The following SHOC1 variants were observed in gnomAD, a reference collection of about 807,000 sequenced individuals.
SHOC1 encodes the protein protein shortage in chiasmata 1 ortholog.
SHOC1 carries 136 observed loss-of-function variants against 179.2 expected under a neutral mutation model. The observed-to-expected ratio is 0.76, with a 90% CI of 0.66 to 0.87. SHOC1 has a LOEUF of 0.87. SHOC1 is among the 40% of genes least tolerant of loss of function. The pLI, the probability that SHOC1 is intolerant of heterozygous loss-of-function variation, is 0.00. For synonymous variants in SHOC1, 489 were observed against 586.6 expected (o/e 0.83, Z 2.41); for missense variants, 1,538 against 1,700.8 (o/e 0.90, Z 1.68).
At position 111,727,969 on chromosome 9, in the gene SHOC1, G is replaced by A. The variant is rs1589414743; in HGVS notation, c.1498C>T (p.Gln500Ter). The A allele has an allele frequency of 6.2e-7, 1 of 1,612,132 alleles. No homozygotes were observed. Among genetic ancestry groups the A allele is most frequent in the East Asian group, 2.2e-5 (1 of 44,752 alleles). The change falls in exon 13 of 28, where the codon CAA (glutamine) becomes TAA (stop). Residue 500 changes from glutamine to a stop codon, truncating the protein, a stop_gained. Transcript: ENST00000682961. LOFTEE classifies it high-confidence loss of function. ...KSTNAHLSLP[Q>*]KSPSLAKEVP... ...TCTTTTGCCAGAGATGGACTCTTTT[G>A]TGGAAGTGATAAATGAGCATTTGTA...
chr9:111,696,595 CT>C (rs1442540606), intron 24 of SHOC1, among the ~76,000 whole-genome samples: 1 of 152,150 alleles, frequency 6.6e-6, no homozygotes, highest in Non-Finnish European at 1.5e-5. Flanking sequence ...TGGAAATAGA[CT>C]TGTTTGGAAT....
At chr9:111,700,081 T>C (rs1041906949) in intron 23 of SHOC1, 34 bp from the exon 24 acceptor site, 1 of 1,043,216 alleles carries the variant, frequency 9.6e-7, no homozygotes, top group African/African-American at 1.6e-5. Context: ...TTTCTATTCA[T>C]TTGATATCAG....
chr9:111,732,076 AT>A (rs1589419812), intron 12 of SHOC1, among the ~76,000 whole-genome samples: 1 of 152,350 alleles, frequency 6.6e-6, no homozygotes, highest in East Asian at 1.9e-4. Context: ...GGGAAATAGA[AT>A]TAAAACCACA....
chr9:111,749,895 G>T (rs1219380541), intron 8 of SHOC1, among the ~76,000 whole-genome samples: 1 of 152,136 alleles, frequency 6.6e-6, no homozygotes, highest in Non-Finnish European at 1.5e-5. Flanking sequence ...TGGTGTATAT[G>T]TACCACATTT....
chr9:111,692,432 T>C lies in SHOC1; in HGVS notation c.3545A>G (p.Glu1182Gly). The stretch of plus-strand genomic sequence containing the variant: ...CAAGGTACTAATCTGATTCCTATTT[T>C]CCTGAGGTGACGAAATTTGCGGTGA... ...TKSPQISSPQ[E>G]NRNQISTLSS... is the part of the protein sequence containing the mutation. Residue 1182 changes from glutamate to glycine, a missense_variant, in exon 27 of 28, where the codon GAA (glutamate) becomes GGA (glycine). Physicochemically the swap from Glu to Gly is moderately conservative, Grantham distance 98. Coordinates refer to ENST00000682961, the MANE Select transcript of SHOC1 (RefSeq NM_001378211.1). 1 of 1,611,320 alleles carries C rather than the reference T, an allele frequency of 6.2e-7. No homozygotes were observed. The highest frequency in any genetic ancestry group is 8.5e-7 in the Non-Finnish European group (1 of 1,178,940).
chr9:111,753,695 A>G (rs1177012716), intron 8 of SHOC1, among the ~76,000 whole-genome samples: 2 of 152,192 alleles, frequency 1.3e-5, no homozygotes, highest in African/African-American at 4.8e-5. Context: ...CATTAATAGA[A>G]CGAGGGACAA....
intron 3 of SHOC1, chr9:111,781,232 A>C: frequency 6.2e-6 from 3 of 481,170 alleles, no homozygotes; most frequent in Non-Finnish European, 1.1e-5. Context: ...GAACAATATC[A>C]CCTGAACATA....
At chr9:111,753,988 TTAA>T (rs2131550985) in intron 8 of SHOC1, among the ~76,000 whole-genome samples, 1 of 152,220 alleles carries the variant, frequency 6.6e-6, no homozygotes, top group South Asian at 2.1e-4. Context: ...GTGACTATAG[TTAA>T]TAATAATGCA....
intron 24 of SHOC1, among the ~76,000 whole-genome samples, chr9:111,699,284 T>A (rs907653271): frequency 6.6e-6 from 1 of 152,184 alleles, no homozygotes; most frequent in African/African-American, 2.4e-5. Flanking sequence ...AGTGATACCA[T>A]AAACTAAGCT....
chr9:111,778,567 G>A (rs1457576029), intron 4 of SHOC1, among the ~76,000 whole-genome samples: 3 of 152,080 alleles, frequency 2.0e-5, no homozygotes, highest in Non-Finnish European at 4.4e-5. Context: ...TCAGGAGTTT[G>A]AGACCATCCT....
chr9:111,723,511 C>T (rs1833159468), intron 14 of SHOC1, among the ~76,000 whole-genome samples: 1 of 152,074 alleles, frequency 6.6e-6, no homozygotes, highest in African/African-American at 2.4e-5. Context: ...GCAGAAGAGT[C>T]CGAGGAGGTA....
At chr9:111,697,205 ATTATAC>A (rs930046851) in intron 24 of SHOC1, among the ~76,000 whole-genome samples, 2 of 149,102 alleles carry the variant, frequency 1.3e-5, no homozygotes, top group African/African-American at 4.9e-5. Context: ...TTTTTTTTTA[ATTATAC>A]TTTAAGTTCT....
At chr9:111,744,577 G>GCAGATCAGCTAATTATA (rs1329290085) in intron 10 of SHOC1, among the ~76,000 whole-genome samples, 55 of 152,258 alleles carry the variant, frequency 3.6e-4, no homozygotes, top group African/African-American at 1.3e-3. Context: ...CTCTCCTCTG[G>GCAGATCAGCTAATTATA]CAGATCAGCT....
At chr9:111,738,611 T>C (rs1056431423) in intron 11 of SHOC1, 89 bp from the exon 12 acceptor site, 59 of 1,214,070 alleles carry the variant, frequency 4.9e-5, no homozygotes, top group Non-Finnish European at 6.2e-5. Flanking sequence ...CTGGAATTTC[T>C]TTATGAAATG....
intron 18 of SHOC1, among the ~76,000 whole-genome samples, chr9:111,710,026 C>T (rs892047018): frequency 2.0e-5 from 3 of 152,198 alleles, no homozygotes; most frequent in African/African-American, 7.2e-5. Context: ...TCAGGTTCTT[C>T]ACAAAAATAT....
intron 25 of SHOC1, 94 bp downstream of exon 25, chr9:111,694,137 C>T: frequency 1.5e-6 from 2 of 1,307,454 alleles, no homozygotes; most frequent in South Asian, 1.5e-5. Flanking sequence ...CAATTTGAGA[C>T]ATTTGGGGGA....
intron 8 of SHOC1, among the ~76,000 whole-genome samples, chr9:111,751,690 A>G (rs896132968): frequency 3.3e-5 from 5 of 152,154 alleles, no homozygotes; most frequent in African/African-American, 4.8e-5. Flanking sequence ...AGATTAGCCT[A>G]TGTTTCAAAT....
At chr9:111,728,165 G>C in intron 12 of SHOC1, 116 bp from the exon 13 acceptor site, 1 of 740,512 alleles carries the variant, frequency 1.4e-6, no homozygotes, top group Non-Finnish European at 2.0e-6. Context: ...ATCTTTATGA[G>C]CACTTTGTTT....
rs113783415 is a variant in SHOC1 at position 111,792,349 on chromosome 9, G to A, written c.-36-895C>T. Among the ~76,000 whole-genome samples, 821 of 152,228 alleles carry A rather than the reference G, an allele frequency of 5.4e-3. 6 individuals carry two copies. The highest frequency in any genetic ancestry group is 0.019 in the African/African-American group (774 of 41,564). Reference sequence around the variant, plus strand: ...TGTAATCCCAGCACTTTGAGAGGCTGAGGTGGTGGATCACTTGAGGCCAAG... The same window carrying A: ...TGTAATCCCAGCACTTTGAGAGGCTAAGGTGGTGGATCACTTGAGGCCAAG... On this transcript the variant is annotated intron_variant, in intron 1 of 27. Coordinates refer to ENST00000682961, the MANE Select transcript of SHOC1 (RefSeq NM_001378211.1).
Sources: gnomAD v4.1 joint callset for allele counts (sites outside exome capture counted in the v4.1 genomes callset) on GRCh38, gnomAD v4.1.1 for gene constraint, MANE v1.5 for transcripts, NCBI Gene and HGNC (gene_info 2026-07-23, HGNC 2026-07-21) for gene names.